IQSEC1: variants seen among roughly 807,000 people sequenced by gnomAD.
The protein encoded by IQSEC1 is IQ motif and SEC7 domain-containing protein 1.
A neutral mutation model predicts 91.0 loss-of-function variants in IQSEC1; 31 were observed. The ratio of observed to expected loss-of-function variants is 0.34; its 90% CI spans 0.26 to 0.46. The LOEUF is 0.46. Ranked by LOEUF, IQSEC1 falls within the 20% of genes least tolerant of loss-of-function variation. The pLI, the probability that IQSEC1 is intolerant of heterozygous loss-of-function variation, is 1.00. For missense variants in IQSEC1, 1,388 were observed against 1,575.6 expected, an observed-to-expected ratio of 0.88 and a Z score of 2.02; for synonymous variants, 699 against 662.6, an observed-to-expected ratio of 1.05 and a Z score of -0.84.
rs953738644 is a variant in IQSEC1 at position 13,204,400 on chromosome 3, C to G, written c.273-40267G>C. ...CGACAGAGCACCGCCCCACATCGGCCGAGGTTCGCCAAGCCTCTTCAGAGC... is the reference window on the plus strand; with the variant it reads ...CGACAGAGCACCGCCCCACATCGGCGGAGGTTCGCCAAGCCTCTTCAGAGC... On this transcript the variant is annotated intron_variant, in intron 1 of 15. Transcript: ENST00000648114. 5.9e-5 allele frequency among the ~76,000 whole-genome samples: 9 copies of G among 152,374 alleles called. No homozygotes were observed. In the South Asian group the frequency reaches 8.3e-4, roughly 14 times the overall value.
In IQSEC1 at chr3:12,908,391, G is replaced by A. The variant is rs1370330591; in HGVS notation, c.2713C>T (p.Arg905Cys). The A allele has an allele frequency of 1.9e-6, 3 of 1,612,482 alleles. No individual in the cohort carries two copies. The highest frequency in any genetic ancestry group is 1.7e-5 in the Admixed American group (1 of 60,010). ...CGCAGGGAGCTGCTGAGGGCGCTGC[G>A]CTTGAGGCCCTCACCGCTGGCATAG... ...DSYASGEGLK[R>C]SALSSSLRDL... The change falls in exon 12 of 14, where the codon CGC becomes TGC. Residue 905 changes from arginine (R) to cysteine (C), a missense_variant. Coordinates refer to ENST00000613206, the MANE Select transcript of IQSEC1 (RefSeq NM_001134382.3). This position sits in a 1 kb window ranked among gnomAD's most constrained non-coding sequence, Gnocchi z 4.9.
chr3:13,112,286 G>A (rs961869180), intron 2 of IQSEC1, among the ~76,000 whole-genome samples: 1 of 152,246 alleles, frequency 6.6e-6, no homozygotes, highest in African/African-American at 2.4e-5. Context: ...AGTGGACAGG[G>A]CAGCAAGCGC....
At chr3:13,189,285 C>T (rs1693981861) in intron 1 of IQSEC1, among the ~76,000 whole-genome samples, 1 of 152,242 alleles carries the variant, frequency 6.6e-6, no homozygotes, top group African/African-American at 2.4e-5. Flanking sequence ...ACAGCATAGC[C>T]CTGGTTTGGG....
At chr3:13,048,391 C>T (rs1427896746) in intron 1 of IQSEC1, among the ~76,000 whole-genome samples, 1 of 152,218 alleles carries the variant, frequency 6.6e-6, no homozygotes, top group Non-Finnish European at 1.5e-5. Flanking sequence ...ACACAGAACT[C>T]ATCCCTAGAG....
chr3:12,901,286 C>T lies in IQSEC1; in HGVS notation c.3042G>A (p.Gly1014=), dbSNP rs1421947939. 6.5e-7 allele frequency: 1 copy of T among 1,548,088 alleles called. No homozygotes were observed. Among genetic ancestry groups the T allele is most frequent in the Admixed American group, 2.0e-5 (1 of 50,944 alleles). The part of the protein sequence containing the change: ...LQHSVAGHHL[G]PPEGLPQAAM... ...CGGCCTGCGGCAGCCCCTCTGGGGG[C>T]CCCAGGTGGTGGCCAGCCACAGAGT... The change falls in exon 14 of 14, where the codon GGG becomes GGA. Residue 1014 remains glycine (G), a synonymous_variant. Coordinates refer to ENST00000613206, the MANE Select transcript of IQSEC1 (RefSeq NM_001134382.3).
At chr3:12,915,176 A>C (rs1218606346) in intron 7 of IQSEC1, 43 bp from the exon 8 acceptor site, 1 of 1,590,682 alleles carries the variant, frequency 6.3e-7, no homozygotes, top group Admixed American at 1.7e-5. Context: ...TTCATGTTTC[A>C]AAGCCACGCC....
intron 1 of IQSEC1, among the ~76,000 whole-genome samples, chr3:12,998,496 A>C (rs1387945529): frequency 6.6e-6 from 1 of 152,074 alleles, no homozygotes; most frequent in African/African-American, 2.4e-5. Context: ...TGTAAGAAAG[A>C]GGGAGTAAGC....
chr3:12,966,624 T>C (rs899424065), intron 1 of IQSEC1, among the ~76,000 whole-genome samples: 3 of 151,736 alleles, frequency 2.0e-5, no homozygotes, highest in Admixed American at 6.6e-5. Flanking sequence ...TAGAAAAGGG[T>C]TGGCCCCTCT....
chr3:13,101,419 C>CAAAAA lies in IQSEC1; in HGVS notation c.303-53902_303-53898dup, dbSNP rs5846799. 1.3e-3 allele frequency among the ~76,000 whole-genome samples: 159 copies of CAAAAA among 119,498 alleles called. 1 individual carries two copies. Among genetic ancestry groups the CAAAAA allele is most frequent in the East Asian group, 3.5e-3 (16 of 4,602 alleles). The allele number at this position is 119,498 out of a possible 152,430, so 78.4% of individuals were successfully genotyped here. A position where few individuals can be genotyped will look rare whatever the true frequency, so the allele number is the denominator to read the frequency against. Reference sequence around the variant, plus strand: ...GGGAGACAGGGTGAGATTCCATCTCCAAAAAAAAAAAAAATGCACCCTTCT... The same window carrying CAAAAA: ...GGGAGACAGGGTGAGATTCCATCTCCAAAAAAAAAAAAAAAAAAATGCACCCTTCT... On this transcript the variant is annotated intron_variant, in intron 2 of 15. Coordinates refer to the IQSEC1 transcript ENST00000648114.
In IQSEC1 at chr3:12,924,703, G is replaced by T. The variant is rs2125211526; in HGVS notation, c.1608C>A (p.Gly536=). Residue 536 remains glycine, a synonymous_variant, in exon 4 of 14, where the codon GGC becomes GGA. Transcript: ENST00000613206. The surrounding 1 kb of genome is among the most constrained non-coding windows in gnomAD (Gnocchi z 6.3). The part of the protein sequence containing the change: ...EKGVQYLIER[G]FVPDTPVGVA... ...CCCCGACGGGCGTGTCGGGCACAAAGCCACGCTCGATGAGGTACTGGACTC... is the reference window on the plus strand; with the variant it reads ...CCCCGACGGGCGTGTCGGGCACAAATCCACGCTCGATGAGGTACTGGACTC... 1 of 1,606,820 alleles carries T rather than the reference G, an allele frequency of 6.2e-7. No homozygotes were observed. Among genetic ancestry groups the T allele is most frequent in the Non-Finnish European group, 8.5e-7 (1 of 1,175,836 alleles).
intron 2 of IQSEC1, among the ~76,000 whole-genome samples, chr3:13,160,412 T>G (rs1399736624): frequency 6.6e-6 from 1 of 152,128 alleles, no homozygotes; most frequent in Non-Finnish European, 1.5e-5. Flanking sequence ...CTTCCTGCCT[T>G]GGCCTCCCAA....
chr3:13,018,935 C>T (rs1703268561), intron 1 of IQSEC1, among the ~76,000 whole-genome samples: 1 of 152,206 alleles, frequency 6.6e-6, no homozygotes, highest in African/African-American at 2.4e-5. Context: ...CCCACTTCAT[C>T]ACGTTATCCC....
At chr3:12,906,126 CTG>C (rs1038204380) in intron 12 of IQSEC1, among the ~76,000 whole-genome samples, 1 of 152,218 alleles carries the variant, frequency 6.6e-6, no homozygotes, top group Non-Finnish European at 1.5e-5. Flanking sequence ...GGCTTCATGT[CTG>C]TGGTATGTCC....
chr3:13,090,199 C>T (rs542425832), intron 2 of IQSEC1, among the ~76,000 whole-genome samples: 33 of 148,256 alleles, frequency 2.2e-4, no homozygotes, highest in Middle Eastern at 3.5e-3. Flanking sequence ...GCCTGGGTGA[C>T]GGAGCAAGAC....
chr3:13,136,002 C>A (rs932898891), intron 2 of IQSEC1, among the ~76,000 whole-genome samples: 1 of 152,236 alleles, frequency 6.6e-6, no homozygotes, highest in East Asian at 1.9e-4. Flanking sequence ...GTGAGGACTA[C>A]CCTGCTGGGC....
intron 1 of IQSEC1, among the ~76,000 whole-genome samples, chr3:13,019,616 T>G (rs368857342): frequency 6.6e-6 from 1 of 152,072 alleles, no homozygotes; most frequent in African/African-American, 2.4e-5. Flanking sequence ...CTCAACAGAA[T>G]GGGGTAGGGG....
chr3:13,077,053 A>G (rs1265709058), upstream of IQSEC1, among the ~76,000 whole-genome samples: 6 of 149,694 alleles, frequency 4.0e-5, no homozygotes, highest in Admixed American at 6.7e-5. Context: ...TTTAAAGACA[A>G]GGTCTCACTA....
intron 2 of IQSEC1, among the ~76,000 whole-genome samples, chr3:13,146,694 G>A (rs2124949924): frequency 6.6e-6 from 1 of 152,326 alleles, no homozygotes; most frequent in East Asian, 1.9e-4. Context: ...ACAAAAATTA[G>A]CCAGGCGTGA....
At position 13,124,460 on chromosome 3, in the gene IQSEC1, C is replaced by T. The variant is rs184918076; in HGVS notation, c.302+39644G>A. Among the ~76,000 whole-genome samples the T allele has an allele frequency of 3.0e-3, 459 of 152,298 alleles. 8 individuals carry two copies. The highest frequency in any genetic ancestry group is 0.026 in the Admixed American group (404 of 15,300). ...CTGAGGCTCTGCTCTGCAAGGCGGT[C>T]CATGGATCTCTATGAGTGACTGTAG... On this transcript the variant is annotated intron_variant, in intron 2 of 15. Transcript: ENST00000648114.
Sources: gnomAD v4.1 joint callset for allele counts (sites outside exome capture counted in the v4.1 genomes callset) on GRCh38, gnomAD v4.1.1 for gene constraint, Gnocchi (gnomAD v3.1) non-coding constraint, MANE v1.5 for transcripts, NCBI Gene and HGNC (gene_info 2026-07-23, HGNC 2026-07-21) for gene names.